The following ZNF530 variants were observed in gnomAD, a reference collection of about 807,000 sequenced individuals.
The protein encoded by ZNF530 is zinc finger protein 530.
A neutral mutation model predicts 2.8 loss-of-function variants in ZNF530; 5 were observed. The ratio of observed to expected loss-of-function variants is 1.80; its 90% CI spans 0.94 to 3.78. The LOEUF (loss-of-function observed/expected upper bound fraction) is 3.78. ZNF530 is among the 30% of genes most tolerant of loss of function. The pLI, the probability that ZNF530 is intolerant of heterozygous loss-of-function variation, is 0.00. For synonymous variants in ZNF530, 229 were observed against 235.0 expected (o/e 0.97, Z 0.23); for missense variants, 619 against 673.3 (o/e 0.92, Z 0.89).
rs558995115 is a variant in ZNF530, at chr19:57,607,549, T to C, written c.*224T>C. 3.9e-6 allele frequency: 2 copies of C among 514,108 alleles called. No individual in the cohort carries two copies. Among genetic ancestry groups the C allele is most frequent in the South Asian group, 4.7e-5 (2 of 42,496 alleles). The allele number at this position is 514,108 out of a possible 1,614,324, so 31.8% of individuals were successfully genotyped here. On this transcript the variant is annotated 3_prime_UTR_variant, in exon 4 of 4. Transcript: ENST00000597700. ...TAATAGAAACAAGGTTTCACCATGT[T>C]GGTCAGGCTGGTGTTGAACTCCTGA...
chr19:57,612,630 A>G (rs373586654), downstream of ZNF530: 28 of 397,688 alleles, frequency 7.0e-5, no homozygotes, highest in Non-Finnish European at 1.8e-5. Context: ...GCAGCAAGCT[A>G]TGATCGTGCC....
At chr19:57,605,494 G>A (rs557068068) in intron 3 of ZNF530, 192 bp from the exon 4 acceptor site, 7 of 559,130 alleles carry the variant, frequency 1.3e-5, no homozygotes, top group African/African-American at 9.5e-5. Context: ...TCTGAGTTGT[G>A]CCCCATCTTT....
chr19:57,611,544 A>G (rs1301937285), downstream of ZNF530, among the ~76,000 whole-genome samples: 1 of 152,142 alleles, frequency 6.6e-6, no homozygotes, highest in Non-Finnish European at 1.5e-5. Flanking sequence ...TTAACAAGTC[A>G]TGCACCCCCA....
rs750478342 is a variant in ZNF530, at chr19:57,604,418, C to T, written c.61+12C>T. The stretch of plus-strand genomic sequence containing the variant: ...TATGGCATCCCTAGGTAAGGCCCTC[C>T]TATTCCTCCCAGTTTCCTTTGTGGG... On this transcript the variant is annotated intron_variant, in intron 3 of 3. Transcript: ENST00000597700. 1.9e-6 allele frequency: 3 copies of T among 1,610,232 alleles called. No individual in the cohort carries two copies. The highest frequency in any genetic ancestry group is 2.5e-6 in the Non-Finnish European group (3 of 1,178,238).
At position 57,607,169 on chromosome 19, in the gene ZNF530, G is replaced by C. The variant is rs760579367; in HGVS notation, c.1545G>C (p.Glu515Asp). 3.7e-6 allele frequency: 6 copies of C among 1,613,770 alleles called. No individual in the cohort carries two copies. Among genetic ancestry groups the C allele is most frequent in the Non-Finnish European group, 5.1e-6 (6 of 1,179,992 alleles). Reference protein sequence around the residue: ...RRVHTGERPYECRECGKSFTR... With the variant: ...RRVHTGERPYDCRECGKSFTR... ...TTCACACTGGAGAAAGGCCTTATGA[G>C]TGCAGAGAATGTGGGAAATCTTTTA... Residue 515 changes from glutamate to aspartate, a missense_variant, in exon 4 of 4, where the codon GAG becomes GAC. Physicochemically the swap from Glu to Asp is conservative, Grantham distance 45 (BLOSUM62 2). Coordinates refer to ENST00000597700, the MANE Select transcript of ZNF530 (RefSeq NM_001321981.2).
In ZNF530 at chr19:57,608,160, T is replaced by C. The variant is rs892105805; in HGVS notation, c.*835T>C. The C allele has an allele frequency of 2.0e-5, 3 of 152,194 alleles. No homozygotes were observed. The highest frequency in any genetic ancestry group is 4.4e-5 in the Non-Finnish European group (3 of 68,040). 9.4% of individuals were successfully genotyped at this position (152,194 alleles called of 1,614,324 possible). On this transcript the variant is annotated 3_prime_UTR_variant, in exon 4 of 4. Transcript: ENST00000597700. ...AGAGGATTGCCTTTTTTGAGGACATTGTTGATCTCAGGCGATGCTTGTGAT... is the reference window on the plus strand; with the variant it reads ...AGAGGATTGCCTTTTTTGAGGACATCGTTGATCTCAGGCGATGCTTGTGAT...
At chr19:57,610,670 C>T (rs1980843995), downstream of ZNF530, among the ~76,000 whole-genome samples, 1 of 152,090 alleles carries the variant, frequency 6.6e-6, no homozygotes, top group Non-Finnish European at 1.5e-5. Context: ...GGAGGAACAG[C>T]TGTTCCTCAG....
intron 3 of ZNF530, chr19:57,604,673 T>C: frequency 3.2e-6 from 1 of 314,950 alleles, no homozygotes; most frequent in Non-Finnish European, 5.9e-6. Flanking sequence ...CATGACAGGA[T>C]GGCTTTCTCC....
chr19:57,605,561 A>G (rs9676996), intron 3 of ZNF530, 125 bp from the exon 4 acceptor site: 3 of 995,034 alleles, frequency 3.0e-6, no homozygotes, highest in Middle Eastern at 3.3e-4. Context: ...GCTTTTTTCC[A>G]CAAATTTCCA....
chr19:57,610,412 A>ATATGTGTGTGTGTGTG (rs756027774), downstream of ZNF530, among the ~76,000 whole-genome samples: 1 of 147,180 alleles, frequency 6.8e-6, no homozygotes, highest in South Asian at 2.2e-4. Flanking sequence ...AAGTGTACAT[A>ATATGTGTGTGTGTGTG]TGTGTGTGTG....
Position 57,607,496 on chromosome 19 carries a change from C to G in ZNF530, c.*171C>G, listed in dbSNP as rs984475030. The G allele has an allele frequency of 4.6e-6, 3 of 647,880 alleles. No individual in the cohort carries two copies. The highest frequency in any genetic ancestry group is 3.6e-5 in the African/African-American group (2 of 54,808). 40.1% of individuals were successfully genotyped at this position (647,880 alleles called of 1,614,324 possible). ...AGTACCTGAGATTACAGGCACCCAC[C>G]ACCATGCCCAGCTAATTTTTGTATT... is the stretch of plus-strand genomic sequence containing the variant. On this transcript the variant is annotated 3_prime_UTR_variant, in exon 4 of 4. Coordinates refer to ENST00000597700, the MANE Select transcript of ZNF530 (RefSeq NM_001321981.2).
chr19:57,609,486 A>AAAAAGT lies in ZNF530; in HGVS notation c.*2173_*2178dup, dbSNP rs1309661838. Among the ~76,000 whole-genome samples the AAAAAGT allele has an allele frequency of 1.3e-5, 2 of 152,206 alleles. No individual in the cohort carries two copies. Among genetic ancestry groups the AAAAAGT allele is most frequent in the East Asian group, 3.8e-4 (2 of 5,202 alleles). On this transcript the variant is annotated 3_prime_UTR_variant, in exon 4 of 4. Coordinates refer to ENST00000597700, the MANE Select transcript of ZNF530 (RefSeq NM_001321981.2). ...CTAAAAGTACAAAAATTGTAAAAGT[A>AAAAAGT]AAAAGTAAAAGTAAAAGCTGGGTGT...
In ZNF530 at chr19:57,604,257, A is replaced by T; in HGVS notation, c.-69-20A>T. Reference sequence around the variant, plus strand: ...TCCTAGGAAAGATGCTGACCATGGAATGAACTGTCCCCATCATAGCAGGTT... The same window carrying T: ...TCCTAGGAAAGATGCTGACCATGGATTGAACTGTCCCCATCATAGCAGGTT... On this transcript the variant is annotated intron_variant, in intron 2 of 3. Coordinates refer to ENST00000597700, the MANE Select transcript of ZNF530 (RefSeq NM_001321981.2). 1.2e-6 allele frequency: 2 copies of T among 1,613,774 alleles called. No individual in the cohort carries two copies. Among genetic ancestry groups the T allele is most frequent in the Non-Finnish European group, 1.7e-6 (2 of 1,179,788 alleles).
At position 57,605,987 on chromosome 19, in the gene ZNF530, A is replaced by G; in HGVS notation, c.363A>G (p.Ser121=). 1 of 1,614,206 alleles carries G rather than the reference A, an allele frequency of 6.2e-7. No homozygotes were observed. The highest frequency in any genetic ancestry group is 8.5e-7 in the Non-Finnish European group (1 of 1,180,034). The change falls in exon 4 of 4, where the codon TCA becomes TCG. Residue 121 remains serine (S), a synonymous_variant. Coordinates refer to ENST00000597700, the MANE Select transcript of ZNF530 (RefSeq NM_001321981.2). ...KLFKVDGDQA[S]FMMNCRFHVS... The stretch of plus-strand genomic sequence containing the variant: ...TTAAAGTGGATGGGGACCAGGCCTC[A>G]TTTATGATGAACTGCAGGTTCCATG...
In ZNF530 at chr19:57,607,107, T is replaced by C. The variant is rs1312372300; in HGVS notation, c.1483T>C (p.Tyr495His). 14 of 1,613,890 alleles carry C rather than the reference T, an allele frequency of 8.7e-6. No individual in the cohort carries two copies. The highest frequency in any genetic ancestry group is 1.2e-5 in the Non-Finnish European group (14 of 1,179,978). Residue 495 changes from tyrosine to histidine, a missense_variant, in exon 4 of 4, where the codon TAT becomes CAT. Coordinates refer to ENST00000597700, the MANE Select transcript of ZNF530 (RefSeq NM_001321981.2). The stretch of plus-strand genomic sequence containing the variant: ...TGAGTGCGATGAATGTGGGAAATCC[T>C]ATAGCCAAAGCTCTGCCCTCCTTCA... ...PYECDECGKSYSQSSALLQHR... is the reference protein window; with the variant it reads ...PYECDECGKSHSQSSALLQHR...
At position 57,607,137 on chromosome 19, in the gene ZNF530, AG is replaced by A; in HGVS notation, c.1515del (p.Arg506GlufsTer53). ...CCAAAGCTCTGCCCTCCTTCAGCAT[AG>A]GAGAGTTCACACTGGAGAAAGGCCT... ...YSQSSALLQH[R>X]RVHTGERPYE... On this transcript the variant is annotated frameshift_variant, in exon 4 of 4. Coordinates refer to ENST00000597700, the MANE Select transcript of ZNF530 (RefSeq NM_001321981.2). LOFTEE classifies it low-confidence loss of function (END_TRUNC). 1 of 1,610,688 alleles carries A rather than the reference AG, an allele frequency of 6.2e-7. No homozygotes were observed. The highest frequency in any genetic ancestry group is 8.5e-7 in the Non-Finnish European group (1 of 1,178,896).
Position 57,609,422 on chromosome 19 carries a change from C to T in ZNF530, c.*2097C>T, listed in dbSNP as rs1431833415. 1.3e-5 allele frequency among the ~76,000 whole-genome samples: 2 copies of T among 151,642 alleles called. No individual in the cohort carries two copies. The highest frequency in any genetic ancestry group is 2.9e-5 in the Non-Finnish European group (2 of 67,918). ...GGTGGATAACCCAAGGTCAGGAGTT[C>T]GAGACCAGCCTGGTCAACATGGCGA... On this transcript the variant is annotated 3_prime_UTR_variant, in exon 4 of 4. Transcript: ENST00000597700.
chr19:57,600,218 G>T (rs538367351), intron 1 of ZNF530, 84 bp downstream of exon 1: 22 of 1,398,446 alleles, frequency 1.6e-5, no homozygotes, highest in African/African-American at 2.9e-5. Context: ...AGCCCGGACC[G>T]CACTGTCCGG....
intron 2 of ZNF530, 125 bp from the exon 3 acceptor site, chr19:57,604,152 G>A: frequency 7.4e-7 from 1 of 1,357,974 alleles, no homozygotes; most frequent in Non-Finnish European, 1.0e-6. Context: ...AGTGGCATCA[G>A]GGCCTGTTGT....
Sources: gnomAD v4.1 joint callset for allele counts (sites outside exome capture counted in the v4.1 genomes callset) on GRCh38, gnomAD v4.1.1 for gene constraint, MANE v1.5 for transcripts, NCBI Gene and HGNC (gene_info 2026-07-23, HGNC 2026-07-21) for gene names.